Variants in ZNF585A observed in about 807,000 individuals in gnomAD.
The protein encoded by ZNF585A is zinc finger protein 585A.
In ZNF585A, 9 loss-of-function variants were observed where a neutral mutation model predicts 14.9. That is an observed-to-expected ratio of 0.60 (90% CI 0.36 to 1.05). ZNF585A has a LOEUF of 1.05. Ranked by LOEUF, ZNF585A falls within the 50% of genes least tolerant of loss-of-function variation. The pLI, the probability that ZNF585A is intolerant of heterozygous loss-of-function variation, is 0.01. For missense variants in ZNF585A, 726 were observed against 926.4 expected, an observed-to-expected ratio of 0.78 and a Z score of 2.81; for synonymous variants, 276 against 319.9, an observed-to-expected ratio of 0.86 and a Z score of 1.46.
At position 37,152,947 on chromosome 19, in the gene ZNF585A, G is replaced by A. The variant is rs751490933; in HGVS notation, c.952C>T (p.Arg318Cys). The part of the protein sequence containing the change: ...ISKSQLQVHQ[R>C]VHTRVKPYIC... ...TAGGGCTTCACTCTTGTGTGAACAC[G>A]TTGATGTACCTGAAGTTGTGACTTG... The change falls in exon 5 of 5, where the codon CGT (arginine) becomes TGT (cysteine). Residue 318 changes from arginine (R) to cysteine (C), a missense_variant. Physicochemically the swap from Arg to Cys is radical, Grantham distance 180. This residue lies in a region of ZNF585A where 483 missense variants were observed against 542.8 expected (regional missense o/e 0.89). Coordinates refer to ENST00000292841, the MANE Select transcript of ZNF585A (RefSeq NM_001288800.2). 27 of 1,614,050 alleles carry A rather than the reference G, an allele frequency of 1.7e-5. No homozygotes were observed. Among genetic ancestry groups the A allele is most frequent in the African/African-American group, 4.0e-5 (3 of 74,914 alleles).
chr19:37,165,899 T>C (rs1226374450), intron 2 of ZNF585A, among the ~76,000 whole-genome samples: 2 of 152,236 alleles, frequency 1.3e-5, no homozygotes, highest in Non-Finnish European at 2.9e-5. Flanking sequence ...TTATATCTAT[T>C]TTTTGTAAAC....
At position 37,151,526 on chromosome 19, in the gene ZNF585A, G is replaced by A. The variant is rs1042142599; in HGVS notation, c.*63C>T. 2.5e-5 allele frequency: 35 copies of A among 1,420,900 alleles called. No homozygotes were observed. Among genetic ancestry groups the A allele is most frequent in the Non-Finnish European group, 3.2e-5 (33 of 1,044,006 alleles). The allele number at this position is 1,420,900 out of a possible 1,614,324, so 88.0% of individuals were successfully genotyped here. On this transcript the variant is annotated 3_prime_UTR_variant, in exon 5 of 5. Transcript: ENST00000292841. ...ACAATAATATACATATTTTTCTGCT[G>A]CATGCGTGCAACAGTGTACAATCAG...
rs59039152 is a variant in ZNF585A, at chr19:37,167,589, TTTTTATTTTATTTTATTTTATTTTA to T, written c.72+2225_72+2249del. On this transcript the variant is annotated intron_variant, in intron 2 of 4. Transcript: ENST00000292841. ...TTGTGTAAGAGCCTTTTACTTTTTA[TTTTTATTTTATTTTATTTTATTTTA>T]TTTTATTTTATTTTATTTTATTTTT... 1.0e-4 allele frequency among the ~76,000 whole-genome samples: 15 copies of T among 144,086 alleles called. 1 individual carries two copies. The highest frequency in any genetic ancestry group is 4.0e-4 in the African/African-American group (15 of 37,460). The allele number at this position is 144,086 out of a possible 152,430, so 94.5% of individuals were successfully genotyped here.
Position 37,152,673 on chromosome 19 carries a change from G to T in ZNF585A, c.1226C>A (p.Ser409Ter), listed in dbSNP as rs146470162. ...CAGTCCACATTTCATGCATATATAC[G>T]ATTTTTCTCCTGTATGAATTCTCTG... ...VHQRIHTGEKSYICMKCGLAF... is the reference protein window; with the variant it reads ...VHQRIHTGEK The change falls in exon 5 of 5, where the codon TCG (serine) becomes TAG (stop). Residue 409 changes from serine to a stop codon, truncating the protein, a stop_gained. Transcript: ENST00000292841. LOFTEE classifies it low-confidence loss of function (END_TRUNC). The T allele has an allele frequency of 6.2e-7, 1 of 1,613,538 alleles. No individual in the cohort carries two copies. Among genetic ancestry groups the T allele is most frequent in the Non-Finnish European group, 8.5e-7 (1 of 1,179,866 alleles).
rs760633008 is a variant in ZNF585A at position 37,153,254 on chromosome 19, T to A, written c.645A>T (p.Glu215Asp). The change falls in exon 5 of 5, where the codon GAA becomes GAT. Residue 215 changes from glutamate to aspartate, a missense_variant. Around this residue, in one of 2 missense-constraint regions of ZNF585A, gnomAD observed 483 missense variants for 542.8 expected, o/e 0.89. Coordinates refer to ENST00000292841, the MANE Select transcript of ZNF585A (RefSeq NM_001288800.2). ...QRIHTGEKLY[E>D]CSQCGKGFSY... is the part of the protein sequence containing the mutation. ...AGAAGCCTTTCCCACACTGGCTGCATTCATAGAGTTTCTCTCCGGTATGAA... is the reference window on the plus strand; with the variant it reads ...AGAAGCCTTTCCCACACTGGCTGCAATCATAGAGTTTCTCTCCGGTATGAA... 6.2e-7 allele frequency: 1 copy of A among 1,614,234 alleles called. No homozygotes were observed. The highest frequency in any genetic ancestry group is 1.7e-5 in the Admixed American group (1 of 60,036).
At position 37,153,041 on chromosome 19, in the gene ZNF585A, A is replaced by C; in HGVS notation, c.858T>G (p.Ile286Met). 6.2e-7 allele frequency: 1 copy of C among 1,614,214 alleles called. No homozygotes were observed. The highest frequency in any genetic ancestry group is 8.5e-7 in the Non-Finnish European group (1 of 1,180,038). The stretch of plus-strand genomic sequence containing the variant: ...CTCCAGTATGAATTCTTCGGTGTGC[A>C]ATCAAATGGGTCTTCTGGATGAAGG... ...GQAFIQKTHLIAHRRIHTGEK... is the reference protein window; with the variant it reads ...GQAFIQKTHLMAHRRIHTGEK... The change falls in exon 5 of 5, where the codon ATT becomes ATG. Residue 286 changes from isoleucine (I) to methionine (M), a missense_variant. Transcript: ENST00000292841.
chr19:37,163,891 C>A (rs1972048522), intron 2 of ZNF585A, among the ~76,000 whole-genome samples: 1 of 151,548 alleles, frequency 6.6e-6, no homozygotes, highest in Non-Finnish European at 1.5e-5. Context: ...TGCATCTTTC[C>A]ACACACACAC....
intron 4 of ZNF585A, among the ~76,000 whole-genome samples, chr19:37,154,481 C>A (rs1971890756): frequency 6.6e-6 from 1 of 152,046 alleles, no homozygotes; most frequent in Non-Finnish European, 1.5e-5. Context: ...GTGTCTTAAA[C>A]TGAAGACTAT....
At chr19:37,170,395 G>A (rs538422767) in intron 1 of ZNF585A, among the ~76,000 whole-genome samples, 1 of 152,304 alleles carries the variant, frequency 6.6e-6, no homozygotes, top group South Asian at 2.1e-4. Context: ...TATTAGTTAC[G>A]GTGAAATATG....
At chr19:37,167,630 T>A (rs1199126064) in intron 2 of ZNF585A, among the ~76,000 whole-genome samples, 1 of 147,290 alleles carries the variant, frequency 6.8e-6, no homozygotes, top group Non-Finnish European at 1.5e-5. Context: ...TTTTATTTTA[T>A]TTTATTTTTG....
intron 2 of ZNF585A, among the ~76,000 whole-genome samples, chr19:37,166,388 C>T (rs1004880815): frequency 1.3e-4 from 20 of 148,662 alleles, no homozygotes; most frequent in Admixed American, 4.1e-4. Flanking sequence ...GGCACAATCT[C>T]GGCTCACTAC....
Position 37,169,990 on chromosome 19 carries a change from T to A in ZNF585A, c.-80A>T. The A allele has an allele frequency of 6.5e-7, 1 of 1,529,940 alleles. No individual in the cohort carries two copies. Among genetic ancestry groups the A allele is most frequent in the South Asian group, 1.2e-5 (1 of 85,276 alleles). The allele number at this position is 1,529,940 out of a possible 1,614,324, so 94.8% of individuals were successfully genotyped here. ...TCTGTGAACTCAAGCAGAGCTGCTC[T>A]GAAGAGATGGGCTGGAGTCTAGAGG... On this transcript the variant is annotated 5_prime_UTR_variant, in exon 2 of 5. Coordinates refer to ENST00000292841, the MANE Select transcript of ZNF585A (RefSeq NM_001288800.2).
rs1971776220 is a variant in ZNF585A, at chr19:37,148,588, G to A, written c.*3001C>T. ...ATCTTGATTGTGGTGTTGATTGCAT[G>A]ATTAGATACAACTGTCAAAACTCAG... On this transcript the variant is annotated 3_prime_UTR_variant, in exon 5 of 5. Coordinates refer to ENST00000292841, the MANE Select transcript of ZNF585A (RefSeq NM_001288800.2). 1 of 152,182 alleles carries A rather than the reference G, an allele frequency of 6.6e-6. No homozygotes were observed. Among genetic ancestry groups the A allele is most frequent in the Admixed American group, 6.5e-5 (1 of 15,282 alleles). 9.4% of individuals were successfully genotyped at this position (152,182 alleles called of 1,614,324 possible).
intron 2 of ZNF585A, among the ~76,000 whole-genome samples, chr19:37,167,384 A>G (rs1448857271): frequency 3.9e-5 from 6 of 152,048 alleles, no homozygotes; most frequent in Non-Finnish European, 8.8e-5. Flanking sequence ...CATGTTGGCC[A>G]GGCTGGTCTC....
Position 37,155,870 on chromosome 19 carries a change from C to A in ZNF585A, c.287G>T (p.Cys96Phe), listed in dbSNP as rs749294179. 14 of 1,612,124 alleles carry A rather than the reference C, an allele frequency of 8.7e-6. No individual in the cohort carries two copies. Among genetic ancestry groups the A allele is most frequent in the African/African-American group, 1.3e-5 (1 of 74,844 alleles). ...ALQGERPRQSCPGEKLWDHNQ... is the reference protein window; with the variant it reads ...ALQGERPRQSFPGEKLWDHNQ... ...TTCACACTCGCTTCACTCACCTGGG[C>A]AGCTCTGACGTGGCCTCTCACCCTG... Residue 96 changes from cysteine (C) to phenylalanine (F), a missense_variant, in exon 4 of 5, where the codon TGC becomes TTC. By Grantham distance (205) the Cys-to-Phe change is radical. This residue lies in a region of ZNF585A where 483 missense variants were observed against 542.8 expected (regional missense o/e 0.89). Transcript: ENST00000292841.
chr19:37,164,951 G>A (rs558248542), intron 2 of ZNF585A, among the ~76,000 whole-genome samples: 1 of 152,316 alleles, frequency 6.6e-6, no homozygotes, highest in South Asian at 2.1e-4. Context: ...GGAATTACAA[G>A]TGTGAGCCAC....
rs550392625 is a variant in ZNF585A, at chr19:37,152,672, C to T, written c.1227G>A (p.Ser409=). 2.3e-5 allele frequency: 37 copies of T among 1,613,676 alleles called. No homozygotes were observed. Among genetic ancestry groups the T allele is most frequent in the Non-Finnish European group, 2.8e-5 (33 of 1,179,884 alleles). The part of the protein sequence containing the change: ...VHQRIHTGEK[S]YICMKCGLAF... ...CCAGTCCACATTTCATGCATATATA[C>T]GATTTTTCTCCTGTATGAATTCTCT... Residue 409 remains serine, a synonymous_variant, in exon 5 of 5, where the codon TCG becomes TCA. Coordinates refer to ENST00000292841, the MANE Select transcript of ZNF585A (RefSeq NM_001288800.2).
At chr19:37,159,559 G>T (rs1180673456) in intron 2 of ZNF585A, among the ~76,000 whole-genome samples, 3 of 152,022 alleles carry the variant, frequency 2.0e-5, no homozygotes, top group Non-Finnish European at 4.4e-5. Context: ...CATCATCAAG[G>T]TTATAGAAAA....
intron 1 of ZNF585A, among the ~76,000 whole-genome samples, chr19:37,171,287 G>T (rs1026755508): frequency 5.3e-5 from 8 of 152,114 alleles, no homozygotes; most frequent in Non-Finnish European, 8.8e-5. Flanking sequence ...CTCTGTAACA[G>T]AAAAATCAGA....
Sources: gnomAD v4.1 joint callset for allele counts (sites outside exome capture counted in the v4.1 genomes callset) on GRCh38, gnomAD v4.1.1 for gene constraint, gnomAD v4.1.1 regional missense constraint, MANE v1.5 for transcripts, NCBI Gene and HGNC (gene_info 2026-07-23, HGNC 2026-07-21) for gene names.